KDM4C: variants seen among roughly 807,000 people sequenced by gnomAD.
The protein encoded by KDM4C is lysine-specific demethylase 4C.
In KDM4C, 81 loss-of-function variants were observed where a neutral mutation model predicts 129.3. The ratio of observed to expected loss-of-function variants is 0.63; its 90% CI spans 0.52 to 0.75. KDM4C has a LOEUF of 0.75. Among genes scored for constraint, KDM4C ranks in the 30% least tolerant of loss-of-function variants. The pLI, the probability that KDM4C is intolerant of heterozygous loss-of-function variation, is 0.00. For missense variants in KDM4C, 1,457 were observed against 1,304.0 expected (o/e 1.12, Z -1.81); for synonymous variants, 573 against 456.1 (o/e 1.26, Z -3.26).
intron 4 of KDM4C, among the ~76,000 whole-genome samples, chr9:6,837,118 T>C (rs1200118078): frequency 6.6e-6 from 1 of 152,186 alleles, no homozygotes; most frequent in African/African-American, 2.4e-5. Flanking sequence ...AGTGCAGTGG[T>C]ACGATCTTGG....
intron 8 of KDM4C, among the ~76,000 whole-genome samples, chr9:6,974,084 C>G (rs992259397): frequency 6.6e-6 from 1 of 152,184 alleles, no homozygotes; most frequent in South Asian, 2.1e-4. Flanking sequence ...CCTTTTCCCC[C>G]AGTTACTATC....
At chr9:7,102,163 A>C (rs916921194) in intron 17 of KDM4C, among the ~76,000 whole-genome samples, 4 of 152,162 alleles carry the variant, frequency 2.6e-5, no homozygotes, top group Non-Finnish European at 4.4e-5. Context: ...TCCACTTAAA[A>C]ATGCTTAATT....
intron 18 of KDM4C, among the ~76,000 whole-genome samples, chr9:7,116,013 T>TG (rs112973093): frequency 0.012 from 1,754 of 152,298 alleles, 31 homozygotes; most frequent in African/African-American, 0.036. Flanking sequence ...ACTGGTGTAG[T>TG]GGGTCACTGA....
chr9:6,954,749 A>C (rs1440987552), intron 8 of KDM4C, among the ~76,000 whole-genome samples: 1 of 152,222 alleles, frequency 6.6e-6, no homozygotes, highest in Non-Finnish European at 1.5e-5. Context: ...GAAAGCCAGT[A>C]ACTATTGTCA....
intron 3 of KDM4C, 23 bp from the exon 4 acceptor site, chr9:6,814,607 AT>A: frequency 1.4e-6 from 2 of 1,436,466 alleles, no homozygotes; most frequent in South Asian, 1.2e-5. Flanking sequence ...TGGTTTGTAC[AT>A]TTTTGTCATC....
Position 7,019,723 on chromosome 9 carries a change from T to C in KDM4C, c.2259+3794T>C, listed in dbSNP as rs1186619241. ...AATATTTTTATATATAAAAATATAA[T>C]ATTTTTATATATAAAAATATAATAT... On this transcript the variant is annotated intron_variant, in intron 15 of 21. Coordinates refer to ENST00000381309, the MANE Select transcript of KDM4C (RefSeq NM_015061.6). Among the ~76,000 whole-genome samples, 172 of 107,976 alleles carry C rather than the reference T, an allele frequency of 1.6e-3. 2 individuals are homozygous for C. The highest frequency in any genetic ancestry group is 6.5e-3 in the African/African-American group (166 of 25,664). The allele number at this position is 107,976 out of a possible 152,430, so 70.8% of individuals were successfully genotyped here. A position where few individuals can be genotyped will look rare whatever the true frequency, so the allele number is the denominator to read the frequency against.
At chr9:6,788,925 G>C (rs1825984875) in intron 1 of KDM4C, among the ~76,000 whole-genome samples, 1 of 152,186 alleles carries the variant, frequency 6.6e-6, no homozygotes, top group African/African-American at 2.4e-5. Flanking sequence ...CAGAAACACA[G>C]AAAGCTTTGC....
intron 18 of KDM4C, among the ~76,000 whole-genome samples, chr9:7,118,650 C>T (rs1839173463): frequency 6.6e-6 from 1 of 152,148 alleles, no homozygotes; most frequent in Non-Finnish European, 1.5e-5. Flanking sequence ...AGGGTCATTG[C>T]GTACAAATGG....
chr9:6,807,948 T>G (rs1301803064), intron 3 of KDM4C, among the ~76,000 whole-genome samples: 1 of 83,214 alleles, frequency 1.2e-5, no homozygotes, highest in Non-Finnish European at 2.4e-5. Context: ...GGTGGGGGGG[T>G]CAGCCCCCCG....
At chr9:6,859,225 C>T (rs1229625467) in intron 5 of KDM4C, among the ~76,000 whole-genome samples, 8 of 152,052 alleles carry the variant, frequency 5.3e-5, no homozygotes, top group Admixed American at 5.2e-4. Flanking sequence ...TGCCTATAAT[C>T]CCAGCACTTT....
At chr9:7,107,728 A>G (rs1837856006) in intron 18 of KDM4C, among the ~76,000 whole-genome samples, 2 of 152,236 alleles carry the variant, frequency 1.3e-5, no homozygotes, top group African/African-American at 4.8e-5. Context: ...ATGGAGACAG[A>G]TACCTATTTA....
chr9:6,940,032 T>TC lies in KDM4C; in HGVS notation c.922-40892dup, dbSNP rs1485081331. Reference sequence around the variant, plus strand: ...TTCCTTCCTTCCTTCCTTCCTTCCTTCTTTCCTTCCTTCCCTCCTTCCCTC... The same window carrying TC: ...TTCCTTCCTTCCTTCCTTCCTTCCTTCCTTTCCTTCCTTCCCTCCTTCCCTC... On this transcript the variant is annotated intron_variant, in intron 8 of 21. Coordinates refer to ENST00000381309, the MANE Select transcript of KDM4C (RefSeq NM_015061.6). Among the ~76,000 whole-genome samples the TC allele has an allele frequency of 8.6e-3, 1,083 of 126,396 alleles. 28 individuals are homozygous for TC. The highest frequency in any genetic ancestry group is 0.022 in the East Asian group (92 of 4,212). The allele number at this position is 126,396 out of a possible 152,430, so 82.9% of individuals were successfully genotyped here.
intron 15 of KDM4C, among the ~76,000 whole-genome samples, chr9:7,028,080 T>G (rs1289356369): frequency 6.6e-6 from 1 of 152,122 alleles, no homozygotes; most frequent in East Asian, 1.9e-4. Context: ...GTACTCCAAT[T>G]CCTGTGGCCA....
At chr9:7,134,630 A>G (rs1466311675) in intron 19 of KDM4C, among the ~76,000 whole-genome samples, 1 of 152,258 alleles carries the variant, frequency 6.6e-6, no homozygotes, top group Non-Finnish European at 1.5e-5. Flanking sequence ...GTAAACCAGT[A>G]TAATATTTAC....
At chr9:6,959,976 G>A (rs759058417) in intron 8 of KDM4C, among the ~76,000 whole-genome samples, 9 of 151,868 alleles carry the variant, frequency 5.9e-5, no homozygotes, top group Non-Finnish European at 1.2e-4. Flanking sequence ...TGTGTAGCCC[G>A]TATGAAAAGC....
chr9:7,004,353 C>CTT (rs1261427109), intron 12 of KDM4C, among the ~76,000 whole-genome samples: 2 of 152,162 alleles, frequency 1.3e-5, no homozygotes, highest in Admixed American at 1.3e-4. Flanking sequence ...TTTTAAAAAA[C>CTT]TTTTAAGATG....
chr9:6,857,755 C>CTTT (rs34529562), intron 5 of KDM4C, among the ~76,000 whole-genome samples: 9,944 of 135,420 alleles, frequency 0.073, 473 homozygotes, highest in Non-Finnish European at 0.1. Flanking sequence ...GCCAGCTGTA[C>CTTT]TTTTTTTTTT....
At chr9:6,743,861 T>G (rs1817785299) in intron 1 of KDM4C, among the ~76,000 whole-genome samples, 1 of 152,052 alleles carries the variant, frequency 6.6e-6, no homozygotes, top group South Asian at 2.1e-4. Context: ...ACTTGACTTG[T>G]TGGGGTGGGG....
At chr9:6,952,973 G>A (rs966714792) in intron 8 of KDM4C, among the ~76,000 whole-genome samples, 12 of 152,068 alleles carry the variant, frequency 7.9e-5, no homozygotes, top group African/African-American at 2.4e-4. Flanking sequence ...ACTGGTACTT[G>A]CATTTTTATG....
Sources: allele counts gnomAD v4.1 joint callset (sites outside exome capture counted in the v4.1 genomes callset), GRCh38; gene constraint gnomAD v4.1.1; transcripts MANE v1.5; gene names NCBI Gene and HGNC (gene_info 2026-07-23, HGNC 2026-07-21).